Variants in HSPG2 observed in about 807,000 individuals in gnomAD.
The protein encoded by HSPG2 is basement membrane-specific heparan sulfate proteoglycan core protein.
HSPG2 carries 278 observed loss-of-function variants against 526.6 expected under a neutral mutation model. The ratio of observed to expected loss-of-function variants is 0.53; its 90% confidence interval spans 0.48 to 0.58. HSPG2 has a LOEUF of 0.58. Ranked by LOEUF, HSPG2 falls within the 20% of genes least tolerant of loss-of-function variation. The probability of loss-of-function intolerance (pLI) is 0.00; values close to 1 mark genes in which losing one functional copy is unlikely to be tolerated. For synonymous variants in HSPG2, 2,465 were observed against 2,555.4 expected (o/e 0.96, Z 1.07); for missense variants, 5,354 against 6,099.5 (o/e 0.88, Z 4.07).
At position 21,822,438 on chromosome 1, in the gene HSPG2, G is replaced by A. The variant is rs1301185899; in HGVS notation, c.*878C>T. On this transcript the variant is annotated 3_prime_UTR_variant, in exon 97 of 97. Transcript: ENST00000374695. ...CCCCTCCTCTCTCTCTCAGTCGTGA[G>A]TCCTGCCTTCCCCCACCTAAGGCAC... 1 of 574,596 alleles carries A rather than the reference G, an allele frequency of 1.7e-6. No homozygotes were observed. The highest frequency in any genetic ancestry group is 3.0e-5 in the Admixed American group (1 of 33,612). The allele number at this position is 574,596 out of a possible 1,614,324, so 35.6% of individuals were successfully genotyped here.
intron 1 of HSPG2, among the ~76,000 whole-genome samples, chr1:21,903,815 G>A (rs1643224734): frequency 6.6e-6 from 1 of 152,036 alleles, no homozygotes; most frequent in Non-Finnish European, 1.5e-5. Context: ...CATAGCTAGG[G>A]GTGGGCACCC....
Position 21,855,299 on chromosome 1 carries a change from C to T in HSPG2, c.5997+5G>A, listed in dbSNP as rs59720663. ...TCCTCCTCCTGGGTGGGCCCATCTC[C>T]TCACCTGTGGTGGGAGGCTGCCCCC... On this transcript the variant is annotated splice_donor_5th_base_variant and intron_variant, in intron 47 of 96. Coordinates refer to ENST00000374695, the MANE Select transcript of HSPG2 (RefSeq NM_005529.7). 2.5e-6 allele frequency: 4 copies of T among 1,601,342 alleles called. No individual in the cohort carries two copies. The African/African-American group carries it at 5.3e-5, about 21-fold the overall frequency.
At position 21,887,637 on chromosome 1, in the gene HSPG2, G is replaced by C; in HGVS notation, c.741C>G (p.Leu247=). The C allele has an allele frequency of 6.2e-7, 1 of 1,613,964 alleles. No homozygotes were observed. Among genetic ancestry groups the C allele is most frequent in the South Asian group, 1.1e-5 (1 of 91,080 alleles). ...GCGGTAAAGATGTCGTCTCCACAAG[G>C]AGAGAGAATGTGGGGCTGATACCCA... is the stretch of plus-strand genomic sequence containing the variant. ...PVLGISPTFS[L]LVETTSLPPR... Residue 247 remains leucine (L), a synonymous_variant, in exon 8 of 97, where the codon CTC becomes CTG. Coordinates refer to ENST00000374695, the MANE Select transcript of HSPG2 (RefSeq NM_005529.7). The surrounding 1 kb of genome is among the most constrained non-coding windows in gnomAD (Gnocchi z 5.0).
chr1:21,845,844 G>C (rs778360541), intron 64 of HSPG2, among the ~76,000 whole-genome samples: 8 of 152,182 alleles, frequency 5.3e-5, no homozygotes, highest in Non-Finnish European at 7.3e-5. Flanking sequence ...ACATCTCCAA[G>C]TGTGGCCAGA....
chr1:21,904,246 A>T lies in HSPG2; in HGVS notation c.64-7936T>A, dbSNP rs550175574. Among the ~76,000 whole-genome samples the T allele has an allele frequency of 1.3e-5, 2 of 152,258 alleles. No homozygotes were observed. The highest frequency in any genetic ancestry group is 1.3e-4 in the Admixed American group (2 of 15,296). On this transcript the variant is annotated intron_variant, in intron 1 of 96. Transcript: ENST00000374695. This position sits in a 1 kb window ranked among gnomAD's most constrained non-coding sequence, Gnocchi z 4.4. ...CTGGGAGGCTGGGGAAGATTTCCAGAAGAAATGCTAACTCAGCTGGGCCTG... is the reference window on the plus strand; with the variant it reads ...CTGGGAGGCTGGGGAAGATTTCCAGTAGAAATGCTAACTCAGCTGGGCCTG...
At chr1:21,897,303 G>C (rs574454959) in intron 1 of HSPG2, among the ~76,000 whole-genome samples, 60 of 152,350 alleles carry the variant, frequency 3.9e-4, no homozygotes, top group African/African-American at 1.4e-3. Flanking sequence ...CCTGGCATGA[G>C]GGCCTCAGGC....
rs764999304 is a variant in HSPG2, at chr1:21,848,109, G to C, written c.7738-16C>G. ...AGCCCACGATCTGCAGGAAGCAGAT[G>C]GCAGGAGGTATGGCAGTAGGTGTGG... On this transcript the variant is annotated splice_polypyrimidine_tract_variant and intron_variant, in intron 59 of 96. Coordinates refer to ENST00000374695, the MANE Select transcript of HSPG2 (RefSeq NM_005529.7). This position sits in a 1 kb window ranked among gnomAD's most constrained non-coding sequence, Gnocchi z 4.9. The C allele has an allele frequency of 7.6e-6, 12 of 1,569,320 alleles. No homozygotes were observed. In the East Asian group the frequency reaches 2.8e-4, roughly 37 times the overall value.
chr1:21,852,091 G>A lies in HSPG2; in HGVS notation c.6867C>T (p.His2289=). ...YKRGGSLPAR[H]QVRGSRLYIF... is the part of the protein sequence containing the mutation. ...CCACATTCTTGGTGCCCTGTACCTG[G>A]TGCCGGGCAGGGAGGCTGCCCCCAC... The change falls in exon 53 of 97, where the codon CAC becomes CAT. Residue 2289 remains histidine (H), a synonymous_variant. Coordinates refer to ENST00000374695, the MANE Select transcript of HSPG2 (RefSeq NM_005529.7). The A allele has an allele frequency of 6.2e-7, 1 of 1,613,412 alleles. No homozygotes were observed. Among genetic ancestry groups the A allele is most frequent in the Non-Finnish European group, 8.5e-7 (1 of 1,180,018 alleles).
rs544392697 is a variant in HSPG2 at position 21,874,471 on chromosome 1, G to A, written c.3591C>T (p.Asp1197=). ...AGTCCTGTGGTGTCCCCCGCTGGGC[G>A]TCCCCGTAGTATCCTGGCTGGCACT... The part of the protein sequence containing the change: ...CEQCQPGYYG[D]AQRGTPQDCQ... Residue 1197 remains aspartate, a synonymous_variant, in exon 28 of 97, where the codon GAC becomes GAT. Coordinates refer to ENST00000374695, the MANE Select transcript of HSPG2 (RefSeq NM_005529.7). 3.1e-4 allele frequency: 499 copies of A among 1,612,488 alleles called. 3 individuals are homozygous for A. The East Asian group carries it at 0.01, about 33-fold the overall frequency.
chr1:21,919,321 G>A (rs1465895997), intron 1 of HSPG2, among the ~76,000 whole-genome samples: 1 of 151,916 alleles, frequency 6.6e-6, no homozygotes, highest in African/African-American at 2.4e-5. Context: ...AGCTACTTGG[G>A]AGGCTGAGGC....
At chr1:21,886,128 A>G (rs983219102) in intron 9 of HSPG2, among the ~76,000 whole-genome samples, 3 of 152,246 alleles carry the variant, frequency 2.0e-5, no homozygotes, top group African/African-American at 7.2e-5. Flanking sequence ...GGCGCAGCTC[A>G]GGCGCTTCTG....
Position 21,893,733 on chromosome 1 carries a change from CAG to C in HSPG2, c.244+2187_244+2188del, listed in dbSNP as rs148316686. On this transcript the variant is annotated intron_variant, in intron 3 of 96. Transcript: ENST00000374695. This position sits in a 1 kb window ranked among gnomAD's most constrained non-coding sequence, Gnocchi z 4.3. ...GCGAGGGAGACGAGATGGAGAGAAG[CAG>C]AGAGAGAGGCAGAGACATTGCAAGA... Among the ~76,000 whole-genome samples the C allele has an allele frequency of 1.5e-4, 22 of 151,462 alleles. No homozygotes were observed. The highest frequency in any genetic ancestry group is 3.6e-4 in the African/African-American group (15 of 41,248).
chr1:21,841,675 T>C lies in HSPG2; in HGVS notation c.9194-2A>G. On this transcript the variant is annotated splice_acceptor_variant, in intron 69 of 96. Coordinates refer to ENST00000374695, the MANE Select transcript of HSPG2 (RefSeq NM_005529.7). LOFTEE classifies it high-confidence loss of function. ...CATTGGGACTGATGTGGACGTTGTC[T>C]GTGAGGTTGCATGGGGGAGGGTGAG... 1.9e-6 allele frequency: 3 copies of C among 1,614,070 alleles called. No individual in the cohort carries two copies. Among genetic ancestry groups the C allele is most frequent in the Non-Finnish European group, 2.5e-6 (3 of 1,180,008 alleles).
rs3736359 is a variant in HSPG2, at chr1:21,823,663, G to C, written c.12956C>G (p.Ser4319Cys). 1.1e-5 allele frequency: 17 copies of C among 1,613,648 alleles called. No individual in the cohort carries two copies. The East Asian group carries it at 3.8e-4, about 36-fold the overall frequency. ...GTTGACTGCCACGTTGGGACCTGGG[G>C]ACCGGCCGCTGACCAGCTCCTCACC... The part of the protein sequence containing the change: ...VDGEELVSGR[S>C]PGPNVAVNAK... Residue 4319 changes from serine to cysteine, a missense_variant, in exon 96 of 97, where the codon TCC becomes TGC. Ser to Cys is a moderately radical substitution (Grantham distance 112). Transcript: ENST00000374695.
At chr1:21,917,236 C>G (rs1643907768) in intron 1 of HSPG2, among the ~76,000 whole-genome samples, 1 of 151,810 alleles carries the variant, frequency 6.6e-6, no homozygotes, top group South Asian at 2.1e-4. Context: ...AGTTTGGGAC[C>G]AGACTCAGCA....
rs1465101964 is a variant in HSPG2, at chr1:21,854,175, C to T, written c.6439+18G>A. On this transcript the variant is annotated intron_variant, in intron 50 of 96. Coordinates refer to ENST00000374695, the MANE Select transcript of HSPG2 (RefSeq NM_005529.7). ...CTCCTAGGGCTCAGCCCCGGCCCAG[C>T]CACACCTGGCTCCTCACCTGGGGTG... The T allele has an allele frequency of 2.6e-6, 4 of 1,563,428 alleles. No individual in the cohort carries two copies. In the Admixed American group the frequency reaches 5.5e-5, roughly 22 times the overall value.
intron 1 of HSPG2, among the ~76,000 whole-genome samples, chr1:21,930,681 G>A (rs944511028): frequency 6.6e-6 from 1 of 151,928 alleles, no homozygotes. Flanking sequence ...GGCTAAGGCA[G>A]GAGAATCTCT....
intron 1 of HSPG2, among the ~76,000 whole-genome samples, chr1:21,901,628 C>A (rs1430619256): frequency 6.6e-6 from 1 of 152,118 alleles, no homozygotes; most frequent in South Asian, 2.1e-4. Flanking sequence ...CTCCTTGTAG[C>A]CCAAGCCTGG....
Position 21,890,162 on chromosome 1 carries a change from G to C in HSPG2, c.414-21C>G, listed in dbSNP as rs753422568. 2.5e-6 allele frequency: 4 copies of C among 1,613,652 alleles called. No individual in the cohort carries two copies. The highest frequency in any genetic ancestry group is 3.4e-6 in the Non-Finnish European group (4 of 1,179,914). On this transcript the variant is annotated intron_variant, in intron 5 of 96. Coordinates refer to ENST00000374695, the MANE Select transcript of HSPG2 (RefSeq NM_005529.7). The surrounding 1 kb of genome is among the most constrained non-coding windows in gnomAD (Gnocchi z 4.1). Reference sequence around the variant, plus strand: ...GCTCCCTGGGGATGGAGACAGGCAGGAGAGGAGGGTCAGCGAGACACCTGT... The same window carrying C: ...GCTCCCTGGGGATGGAGACAGGCAGCAGAGGAGGGTCAGCGAGACACCTGT...
Sources: allele counts gnomAD v4.1 joint callset (sites outside exome capture counted in the v4.1 genomes callset), GRCh38; gene constraint gnomAD v4.1.1; non-coding constraint Gnocchi (gnomAD v3.1); transcripts MANE v1.5; gene names NCBI Gene and HGNC (gene_info 2026-07-23, HGNC 2026-07-21).